Variants in FRMD4B observed in about 807,000 individuals in gnomAD.
The protein encoded by FRMD4B is FERM domain containing 4B.
In FRMD4B, 74 loss-of-function variants were observed where a neutral mutation model predicts 141.5. That is an observed-to-expected ratio of 0.52 (90% confidence interval 0.43 to 0.63). The LOEUF is 0.63. Ranked by LOEUF, FRMD4B falls within the 30% of genes least tolerant of loss-of-function variation. The pLI is 0.00. For missense variants in FRMD4B, 1,366 were observed against 1,253.4 expected (o/e 1.09, Z -1.36); for synonymous variants, 506 against 467.9 (o/e 1.08, Z -1.05).
At chr3:69,355,706 A>G (rs891102483) in intron 1 of FRMD4B, among the ~76,000 whole-genome samples, 6 of 152,130 alleles carry the variant, frequency 3.9e-5, no homozygotes, top group African/African-American at 1.4e-4. Context: ...GTGAGAACAC[A>G]TAGAGATGGA....
chr3:69,190,096 G>A, intron 17 of FRMD4B, 144 bp from the exon 18 acceptor site: 2 of 578,772 alleles, frequency 3.5e-6, no homozygotes, highest in Non-Finnish European at 6.2e-6. Flanking sequence ...AACTACCATA[G>A]TAAGAATGGA....
chr3:69,452,912 CATT>C (rs555501666), intron 1 of FRMD4B, among the ~76,000 whole-genome samples: 105 of 152,274 alleles, frequency 6.9e-4, no homozygotes, highest in African/African-American at 2.3e-3. Flanking sequence ...ATAGCCAAAA[CATT>C]ATTATTTTAC....
chr3:69,211,310 C>A (rs1292270771), intron 11 of FRMD4B, among the ~76,000 whole-genome samples: 1 of 152,128 alleles, frequency 6.6e-6, no homozygotes, highest in African/African-American at 2.4e-5. Flanking sequence ...CAAGGTGGCA[C>A]AGTAAATAGA....
intron 2 of FRMD4B, among the ~76,000 whole-genome samples, chr3:69,312,424 T>C (rs971982523): frequency 4.6e-5 from 7 of 152,214 alleles, no homozygotes; most frequent in African/African-American, 1.7e-4. Flanking sequence ...TTCACTCTAA[T>C]TGAAGCCTAA....
rs188046684 is a variant in FRMD4B, at chr3:69,528,038, C to T, written c.-129+14168G>A. ...ATAAAATCTTCCAGTCTACTCTTTA[C>T]TTATACAAGAAGATAGAATCTCATT... On this transcript the variant is annotated intron_variant, in intron 1 of 5. Transcript: ENST00000459638. Among the ~76,000 whole-genome samples the T allele has an allele frequency of 5.9e-5, 9 of 152,294 alleles. No individual in the cohort carries two copies. In the East Asian group the frequency reaches 1.5e-3, roughly 26 times the overall value.
At chr3:69,436,022 A>C (rs1287022026) in intron 1 of FRMD4B, among the ~76,000 whole-genome samples, 2 of 152,166 alleles carry the variant, frequency 1.3e-5, no homozygotes, top group East Asian at 3.9e-4. Context: ...GACTTGAGAA[A>C]ACTGAGACCA....
At chr3:69,178,604 T>A (rs2092673891) in intron 21 of FRMD4B, among the ~76,000 whole-genome samples, 1 of 151,700 alleles carries the variant, frequency 6.6e-6, no homozygotes, top group Non-Finnish European at 1.5e-5. Flanking sequence ...GCCAAGGAGT[T>A]TGAGACTGAG....
At chr3:69,340,297 T>G (rs2107373069) in intron 1 of FRMD4B, among the ~76,000 whole-genome samples, 1 of 152,278 alleles carries the variant, frequency 6.6e-6, no homozygotes, top group East Asian at 1.9e-4. Context: ...TGATGGTTAT[T>G]TTTTCTGATA....
chr3:69,411,996 G>C (rs1704768921), intron 2 of FRMD4B, among the ~76,000 whole-genome samples: 1 of 152,202 alleles, frequency 6.6e-6, no homozygotes, highest in South Asian at 2.1e-4. Flanking sequence ...TTTCTTTCTA[G>C]ATGACAGTAA....
At chr3:69,478,243 C>A (rs1369216808) in intron 1 of FRMD4B, among the ~76,000 whole-genome samples, 1 of 152,082 alleles carries the variant, frequency 6.6e-6, no homozygotes, top group African/African-American at 2.4e-5. Flanking sequence ...TTGCCTTCTG[C>A]TAGCTTTTGA....
At chr3:69,274,879 AC>A (rs2093611123) in intron 5 of FRMD4B, among the ~76,000 whole-genome samples, 1 of 152,196 alleles carries the variant, frequency 6.6e-6, no homozygotes, top group Admixed American at 6.5e-5. Flanking sequence ...GTTTTATCTA[AC>A]ATCTAGGTCC....
chr3:69,378,839 C>T (rs1559838461), intron 1 of FRMD4B, among the ~76,000 whole-genome samples: 2 of 152,152 alleles, frequency 1.3e-5, no homozygotes, highest in South Asian at 2.1e-4. Flanking sequence ...CTCTTATAAT[C>T]CCCAACAAAA....
chr3:69,438,268 G>A (rs1414421938), intron 1 of FRMD4B, among the ~76,000 whole-genome samples: 1 of 151,592 alleles, frequency 6.6e-6, no homozygotes, highest in Non-Finnish European at 1.5e-5. Flanking sequence ...CCACACCTGG[G>A]TAACTTTTAA....
intron 1 of FRMD4B, among the ~76,000 whole-genome samples, chr3:69,376,385 A>G (rs1363399282): frequency 6.6e-6 from 1 of 152,096 alleles, no homozygotes; most frequent in African/African-American, 2.4e-5. Context: ...TCTTAAAGGT[A>G]GCACATGCAA....
chr3:69,483,152 T>C lies in FRMD4B; in HGVS notation c.-128-50391A>G, dbSNP rs527502756. 1.3e-4 allele frequency among the ~76,000 whole-genome samples: 20 copies of C among 152,348 alleles called. No individual in the cohort carries two copies. In the South Asian group the frequency reaches 4.1e-3, roughly 32 times the overall value. On this transcript the variant is annotated intron_variant, in intron 1 of 5. Coordinates refer to the FRMD4B transcript ENST00000459638. ...ATATCAACAGTGGTGGTACCAGATG[T>C]TCCAAAAGTACTCTTAGTTACTAAG...
At chr3:69,296,336 A>G (rs1203728491) in intron 4 of FRMD4B, among the ~76,000 whole-genome samples, 2 of 152,180 alleles carry the variant, frequency 1.3e-5, no homozygotes, top group African/African-American at 4.8e-5. Context: ...ATACTTGCCC[A>G]GGGAATACAC....
intron 1 of FRMD4B, among the ~76,000 whole-genome samples, chr3:69,521,403 T>C (rs1419493038): frequency 1.3e-5 from 2 of 152,216 alleles, no homozygotes; most frequent in African/African-American, 4.8e-5. Context: ...TCCCCAAGCA[T>C]GTTTTTCCTA....
At chr3:69,346,355 T>C (rs1288810245) in intron 1 of FRMD4B, among the ~76,000 whole-genome samples, 4 of 152,158 alleles carry the variant, frequency 2.6e-5, no homozygotes, top group Admixed American at 6.5e-5. Flanking sequence ...CTAGGTCTGA[T>C]TGGTATACCT....
At chr3:69,319,051 C>T (rs745537165) in intron 1 of FRMD4B, among the ~76,000 whole-genome samples, 1 of 152,114 alleles carries the variant, frequency 6.6e-6, no homozygotes, top group Non-Finnish European at 1.5e-5. Flanking sequence ...TGCTGTGGAC[C>T]GGGCAAAGTG....
Sources: gnomAD v4.1 joint callset for allele counts (sites outside exome capture counted in the v4.1 genomes callset) on GRCh38, gnomAD v4.1.1 for gene constraint, MANE v1.5 for transcripts, NCBI Gene and HGNC (gene_info 2026-07-23, HGNC 2026-07-21) for gene names.